The following SEC31A variants were observed in gnomAD, a reference collection of about 807,000 sequenced individuals.
SEC31A encodes the protein protein transport protein Sec31A.
Under a neutral mutation model 151.0 loss-of-function variants are expected in SEC31A, and 70 were observed. That is an observed-to-expected ratio of 0.46 (90% CI 0.38 to 0.57). The LOEUF is 0.57. SEC31A is among the 20% of genes least tolerant of loss of function. The pLI is 0.00. For missense variants in SEC31A, 1,330 were observed against 1,471.2 expected (o/e 0.90, Z 1.57); for synonymous variants, 475 against 505.9 (o/e 0.94, Z 0.82).
chr4:82,851,618 A>G lies in SEC31A; in HGVS notation c.2155-14T>C. 1 of 1,598,686 alleles carries G rather than the reference A, an allele frequency of 6.3e-7. No individual in the cohort carries two copies. The highest frequency in any genetic ancestry group is 8.5e-7 in the Non-Finnish European group (1 of 1,169,766). ...CTCAATCAGATCCTAAATGAAAAAAATGAGTAACAAACAGAAATATCAAGA... is the reference window on the plus strand; with the variant it reads ...CTCAATCAGATCCTAAATGAAAAAAGTGAGTAACAAACAGAAATATCAAGA... On this transcript the variant is annotated splice_polypyrimidine_tract_variant and intron_variant, in intron 18 of 26. Coordinates refer to ENST00000395310, the MANE Select transcript of SEC31A (RefSeq NM_001077207.4).
chr4:82,850,038 A>C (rs1731154821), intron 19 of SEC31A, among the ~76,000 whole-genome samples: 1 of 152,088 alleles, frequency 6.6e-6, no homozygotes, highest in African/African-American at 2.4e-5. Context: ...CCACCAAAAA[A>C]GGCAGGGTCT....
chr4:82,872,687 A>G (rs1271825951), intron 6 of SEC31A, among the ~76,000 whole-genome samples: 1 of 152,152 alleles, frequency 6.6e-6, no homozygotes, highest in Non-Finnish European at 1.5e-5. Flanking sequence ...ATATAAGTTT[A>G]GAGAAAACAT....
At chr4:82,874,103 G>A (rs1313279690) in intron 6 of SEC31A, among the ~76,000 whole-genome samples, 1 of 152,082 alleles carries the variant, frequency 6.6e-6, no homozygotes, top group Non-Finnish European at 1.5e-5. Context: ...TTTGAGACCA[G>A]CCAGACCAAC....
intron 22 of SEC31A, among the ~76,000 whole-genome samples, chr4:82,832,120 A>G (rs1726082350): frequency 6.6e-6 from 1 of 152,248 alleles, no homozygotes; most frequent in Admixed American, 6.5e-5. Context: ...GGCAAGAAGA[A>G]CAAAGCTGGA....
chr4:82,856,857 A>G (rs192590365), intron 16 of SEC31A, 95 bp downstream of exon 16: 1 of 1,024,288 alleles, frequency 9.8e-7, no homozygotes, highest in East Asian at 2.8e-5. Context: ...AAAATTCTTT[A>G]CTGGTTTCTG....
intron 4 of SEC31A, among the ~76,000 whole-genome samples, chr4:82,878,329 A>G (rs1453902997): frequency 6.6e-6 from 1 of 151,934 alleles, no homozygotes; most frequent in Non-Finnish European, 1.5e-5. Context: ...CCCCATCTCT[A>G]CTAAAAGTAC....
At chr4:82,855,888 G>C (rs556503031) in intron 16 of SEC31A, among the ~76,000 whole-genome samples, 1 of 152,176 alleles carries the variant, frequency 6.6e-6, no homozygotes, top group Non-Finnish European at 1.5e-5. Context: ...CCTATGACAC[G>C]AGTTTACTCT....
At chr4:82,832,272 A>G (rs1394473308) in intron 22 of SEC31A, among the ~76,000 whole-genome samples, 3 of 152,194 alleles carry the variant, frequency 2.0e-5, no homozygotes, top group Non-Finnish European at 4.4e-5. Flanking sequence ...CCAGCATCTG[A>G]TATTTGACAA....
At chr4:82,821,841 A>AT (rs1370888655) in intron 25 of SEC31A, among the ~76,000 whole-genome samples, 1 of 152,180 alleles carries the variant, frequency 6.6e-6, no homozygotes, top group East Asian at 1.9e-4. Context: ...GAAGGCAAAC[A>AT]TATAGGTGAA....
intron 14 of SEC31A, among the ~76,000 whole-genome samples, 176 bp downstream of exon 14, chr4:82,861,455 G>A (rs936826638): frequency 4.6e-5 from 7 of 152,186 alleles, no homozygotes; most frequent in Non-Finnish European, 8.8e-5. Flanking sequence ...ACTAGAGTCT[G>A]GAGATGATAC....
At chr4:82,884,599 T>A (rs565362390) in intron 1 of SEC31A, among the ~76,000 whole-genome samples, 93 of 152,326 alleles carry the variant, frequency 6.1e-4, no homozygotes, top group African/African-American at 2.1e-3. Context: ...GAGGGCTCAC[T>A]CTAGGTGTTG....
chr4:82,847,940 A>C (rs1016595427), intron 20 of SEC31A, among the ~76,000 whole-genome samples: 16 of 152,176 alleles, frequency 1.1e-4, no homozygotes, highest in Non-Finnish European at 1.5e-4. Flanking sequence ...AACAGACAAA[A>C]GGGCATTAAT....
At chr4:82,890,676 T>C (rs1007258394) in intron 1 of SEC31A, 2 of 943,606 alleles carry the variant, frequency 2.1e-6, no homozygotes, top group African/African-American at 1.7e-5. Context: ...ATAGTTCAAG[T>C]ACAAAAAAAA....
intron 3 of SEC31A, 102 bp downstream of exon 3, chr4:82,880,697 T>A: frequency 2.1e-6 from 2 of 958,580 alleles, no homozygotes; most frequent in South Asian, 2.2e-5. Context: ...TTCTTGATGG[T>A]ATTCCTTGTA....
At chr4:82,821,942 C>T (rs1230207160) in intron 25 of SEC31A, among the ~76,000 whole-genome samples, 1 of 151,900 alleles carries the variant, frequency 6.6e-6, no homozygotes, top group African/African-American at 2.4e-5. Context: ...CTTTAAAGCA[C>T]CAAGAAAGAA....
chr4:82,892,736 TG>T (rs201132157), upstream of SEC31A, among the ~76,000 whole-genome samples: 1,061 of 136,746 alleles, frequency 7.8e-3, 7 homozygotes, highest in African/African-American at 0.021. Flanking sequence ...ATCTTTTTTT[TG>T]GGGGGGGGGG....
At position 82,818,995 on chromosome 4, in the gene SEC31A, A is replaced by G. The variant is rs1307320543; in HGVS notation, c.*79T>C. On this transcript the variant is annotated 3_prime_UTR_variant, in exon 27 of 27. Coordinates refer to ENST00000395310, the MANE Select transcript of SEC31A (RefSeq NM_001077207.4). Reference sequence around the variant, plus strand: ...CTATGCAAACATGCTAATGAGGACTAGTCCATGTCTTATAATTTTTTTTTT... The same window carrying G: ...CTATGCAAACATGCTAATGAGGACTGGTCCATGTCTTATAATTTTTTTTTT... 8.5e-7 allele frequency: 1 copy of G among 1,170,346 alleles called. No homozygotes were observed. The highest frequency in any genetic ancestry group is 2.4e-5 in the East Asian group (1 of 41,500). The allele number at this position is 1,170,346 out of a possible 1,614,324, so 72.5% of individuals were successfully genotyped here. A position where few individuals can be genotyped will look rare whatever the true frequency, so the allele number is the denominator to read the frequency against.
chr4:82,858,796 G>A (rs1017411780), intron 14 of SEC31A, among the ~76,000 whole-genome samples: 4 of 151,598 alleles, frequency 2.6e-5, no homozygotes, highest in South Asian at 2.1e-4. Flanking sequence ...TCTGCCTCCT[G>A]GGTTCACGCC....
At chr4:82,854,870 T>C (rs768382800) in intron 17 of SEC31A, 33 bp downstream of exon 17, 2 of 1,573,370 alleles carry the variant, frequency 1.3e-6, no homozygotes, top group East Asian at 2.3e-5. Context: ...GCCACGTATG[T>C]AAATGCAGTT....
Sources: allele counts gnomAD v4.1 joint callset (sites outside exome capture counted in the v4.1 genomes callset), GRCh38; gene constraint gnomAD v4.1.1; transcripts MANE v1.5; gene names NCBI Gene and HGNC (gene_info 2026-07-23, HGNC 2026-07-21).